FAM174A: variants seen among roughly 807,000 people sequenced by gnomAD.
FAM174A encodes family with sequence similarity 174 member A, also known as membrane protein FAM174A.
Under a neutral mutation model 14.3 loss-of-function variants are expected in FAM174A, and 14 were observed. The ratio of observed to expected loss-of-function variants is 0.98; its 90% CI spans 0.65 to 1.53. The LOEUF is 1.53. Among genes scored for constraint, FAM174A ranks in the 40% most tolerant of loss-of-function variants. The pLI, the probability that FAM174A is intolerant of heterozygous loss-of-function variation, is 0.00. For synonymous variants in FAM174A, 108 were observed against 111.4 expected, an observed-to-expected ratio of 0.97 and a Z score of 0.19; for missense variants, 241 against 249.6, an observed-to-expected ratio of 0.97 and a Z score of 0.23.
At chr5:100,579,763 G>C (rs1165021046) in intron 2 of FAM174A, among the ~76,000 whole-genome samples, 1 of 152,104 alleles carries the variant, frequency 6.6e-6, no homozygotes, top group African/African-American at 2.4e-5. Context: ...GTGCACACTA[G>C]CCTCTTAGTA....
At chr5:100,545,272 A>G (rs1420356452) in intron 1 of FAM174A, among the ~76,000 whole-genome samples, 2 of 152,246 alleles carry the variant, frequency 1.3e-5, no homozygotes, top group African/African-American at 2.4e-5. Context: ...TGCATTGTTC[A>G]GTATGATATA....
At chr5:100,562,381 A>T (rs1485204387) in intron 2 of FAM174A, among the ~76,000 whole-genome samples, 193 bp downstream of exon 2, 1 of 152,014 alleles carries the variant, frequency 6.6e-6, no homozygotes, top group Non-Finnish European at 1.5e-5. Context: ...GATACAAACA[A>T]TAGAATACCA....
intron 1 of FAM174A, among the ~76,000 whole-genome samples, chr5:100,554,840 A>T (rs2112377104): frequency 6.6e-6 from 1 of 152,244 alleles, no homozygotes; most frequent in Admixed American, 6.5e-5. Flanking sequence ...AACAAAATGA[A>T]AATTTAAATG....
At chr5:100,568,951 T>C (rs571131613) in intron 2 of FAM174A, among the ~76,000 whole-genome samples, 10 of 151,990 alleles carry the variant, frequency 6.6e-5, no homozygotes, top group East Asian at 5.8e-4. Context: ...TATTTTATTT[T>C]ATAAGGAAAA....
At chr5:100,539,827 A>G (rs1746014730) in intron 1 of FAM174A, among the ~76,000 whole-genome samples, 1 of 152,236 alleles carries the variant, frequency 6.6e-6, no homozygotes, top group African/African-American at 2.4e-5. Context: ...AATAAAGTGG[A>G]TAGTATATGC....
rs758349173 is a variant in FAM174A, at chr5:100,562,071, G to A, written c.452G>A (p.Arg151Gln). 29 of 1,567,848 alleles carry A rather than the reference G, an allele frequency of 1.8e-5. No individual in the cohort carries two copies. Among genetic ancestry groups the A allele is most frequent in the South Asian group, 1.4e-4 (12 of 85,256 alleles). ...TTTGATAGGATGAGAAGAAGAAACC[G>A]AAAGACTAGGAGATATGGAGTTTTG... ...VRTVRMRRRN[R>Q]KTRRYGVLDT... Residue 151 changes from arginine to glutamine, a missense_variant, in exon 2 of 3, where the codon CGA (arginine) becomes CAA (glutamine). Physicochemically the swap from Arg to Gln is conservative, Grantham distance 43 (BLOSUM62 1). Coordinates refer to ENST00000312637, the MANE Select transcript of FAM174A (RefSeq NM_198507.3).
intron 1 of FAM174A, among the ~76,000 whole-genome samples, chr5:100,559,860 T>G (rs937756908): frequency 2.8e-4 from 43 of 152,194 alleles, no homozygotes; most frequent in African/African-American, 9.9e-4. Context: ...TAATTTTTTT[T>G]CAAGGTTTTT....
chr5:100,571,132 A>C (rs1478657257), intron 2 of FAM174A, among the ~76,000 whole-genome samples: 2 of 140,516 alleles, frequency 1.4e-5, no homozygotes, highest in African/African-American at 5.4e-5. Context: ...TTATATGTAC[A>C]TATACATATA....
At chr5:100,545,326 A>T (rs1046520809) in intron 1 of FAM174A, among the ~76,000 whole-genome samples, 1 of 152,220 alleles carries the variant, frequency 6.6e-6, no homozygotes, top group African/African-American at 2.4e-5. Context: ...TGAGAATCTT[A>T]TAGTAATTGA....
chr5:100,542,506 G>T (rs1224135208), intron 1 of FAM174A, among the ~76,000 whole-genome samples: 1 of 152,004 alleles, frequency 6.6e-6, no homozygotes, highest in Non-Finnish European at 1.5e-5. Context: ...ATTAGTTTAG[G>T]TTCACATCAC....
At chr5:100,553,689 C>G (rs1746308123) in intron 1 of FAM174A, among the ~76,000 whole-genome samples, 1 of 151,962 alleles carries the variant, frequency 6.6e-6, no homozygotes, top group Non-Finnish European at 1.5e-5. Context: ...GTTCCTGTTT[C>G]TAAAGAGTTT....
At chr5:100,548,254 T>A (rs1168383673) in intron 1 of FAM174A, among the ~76,000 whole-genome samples, 2 of 152,104 alleles carry the variant, frequency 1.3e-5, no homozygotes, top group Non-Finnish European at 2.9e-5. Context: ...CTAAACAAAA[T>A]CATGGTTCTG....
chr5:100,577,624 A>G (rs1285034687), intron 2 of FAM174A, among the ~76,000 whole-genome samples: 2 of 152,250 alleles, frequency 1.3e-5, no homozygotes, highest in East Asian at 3.9e-4. Flanking sequence ...ACACTGTCTT[A>G]ATTGTTGGGT....
In FAM174A at chr5:100,586,276, G is replaced by T; in HGVS notation, c.*92G>T. 1.2e-6 allele frequency: 1 copy of T among 821,430 alleles called. No individual in the cohort carries two copies. Among genetic ancestry groups the T allele is most frequent in the Non-Finnish European group, 1.9e-6 (1 of 521,114 alleles). 50.9% of individuals were successfully genotyped at this position (821,430 alleles called of 1,614,324 possible). A position where few individuals can be genotyped will look rare whatever the true frequency, so the allele number is the denominator to read the frequency against. Reference sequence around the variant, plus strand: ...AATAAGAAGCCACTATATCAATGTTGGGGGGGTATTTAAGTTACATATATT... The same window carrying T: ...AATAAGAAGCCACTATATCAATGTTTGGGGGGTATTTAAGTTACATATATT... On this transcript the variant is annotated 3_prime_UTR_variant, in exon 3 of 3. Transcript: ENST00000312637.
At chr5:100,569,435 T>A (rs1415242994) in intron 2 of FAM174A, among the ~76,000 whole-genome samples, 1 of 151,802 alleles carries the variant, frequency 6.6e-6, no homozygotes, top group Non-Finnish European at 1.5e-5. Context: ...ATAGTGGCTA[T>A]AGCATAATAA....
At chr5:100,572,796 T>A (rs904786128) in intron 2 of FAM174A, among the ~76,000 whole-genome samples, 115 of 152,278 alleles carry the variant, frequency 7.6e-4, no homozygotes, top group Non-Finnish European at 1.2e-3. Context: ...CAAATGGCAT[T>A]TCCAGTTCTA....
intron 2 of FAM174A, 62 bp from the exon 3 acceptor site, chr5:100,586,119 T>G: frequency 1.1e-6 from 1 of 914,512 alleles, no homozygotes; most frequent in South Asian, 1.7e-5. Flanking sequence ...CTGAATAGTT[T>G]TAAATGTTTT....
chr5:100,568,312 G>A (rs948679592), intron 2 of FAM174A, among the ~76,000 whole-genome samples: 1 of 151,828 alleles, frequency 6.6e-6, no homozygotes, highest in African/African-American at 2.4e-5. Context: ...CTCATCAGAT[G>A]TTCTAGACTC....
chr5:100,558,689 G>A (rs1323440331), intron 1 of FAM174A, among the ~76,000 whole-genome samples: 3 of 152,100 alleles, frequency 2.0e-5, no homozygotes, highest in African/African-American at 7.2e-5. Context: ...TTACCATTAT[G>A]TAATGGCCTT....
Sources: allele counts gnomAD v4.1 joint callset (sites outside exome capture counted in the v4.1 genomes callset), GRCh38; gene constraint gnomAD v4.1.1; transcripts MANE v1.5; gene names NCBI Gene and HGNC (gene_info 2026-07-23, HGNC 2026-07-21).